SCYL3: variants seen among roughly 807,000 people sequenced by gnomAD.
The protein encoded by SCYL3 is SCY1 like pseudokinase 3.
Under a neutral mutation model 73.8 loss-of-function variants are expected in SCYL3, and 35 were observed. The observed-to-expected ratio is 0.47, with a 90% CI of 0.36 to 0.63. The LOEUF (loss-of-function observed/expected upper bound fraction) is 0.63. Among genes scored for constraint, SCYL3 ranks in the 20% least tolerant of loss-of-function variants. SCYL3 has a pLI of 0.00. For missense variants in SCYL3, 712 were observed against 798.9 expected, an observed-to-expected ratio of 0.89 and a Z score of 1.31; for synonymous variants, 277 against 295.2, an observed-to-expected ratio of 0.94 and a Z score of 0.63.
intron 11 of SCYL3, chr1:169,855,977 C>A (rs1659112003): frequency 6.2e-7 from 1 of 1,605,442 alleles, no homozygotes; most frequent in Admixed American, 1.7e-5. Context: ...AATAAAAACT[C>A]CAAAACATGA....
At chr1:169,857,090 G>C (rs1425961711) in intron 11 of SCYL3, among the ~76,000 whole-genome samples, 1 of 152,122 alleles carries the variant, frequency 6.6e-6, no homozygotes, top group Non-Finnish European at 1.5e-5. Flanking sequence ...TACCTCCCAG[G>C]TAACATCCAC....
Position 169,851,037 on chromosome 1 carries a change from T to C in SCYL3, c.*2676A>G, listed in dbSNP as rs1248915989. ...GGCAGCCTCCCAAGCCAGGGTAAGCTCAGGGCCCTTTTTTTTTTTTTTTTT... is the reference window on the plus strand; with the variant it reads ...GGCAGCCTCCCAAGCCAGGGTAAGCCCAGGGCCCTTTTTTTTTTTTTTTTT... On this transcript the variant is annotated 3_prime_UTR_variant, in exon 13 of 13. Transcript: ENST00000367771. 3 of 42,930 alleles carry C rather than the reference T, an allele frequency of 7.0e-5. No individual in the cohort carries two copies. Among genetic ancestry groups the C allele is most frequent in the Admixed American group, 3.1e-4 (1 of 3,212 alleles). The allele number at this position is 42,930 out of a possible 1,614,324, so 2.7% of individuals were successfully genotyped here. A position where few individuals can be genotyped will look rare whatever the true frequency, so the allele number is the denominator to read the frequency against.
At chr1:169,874,538 G>A (rs1490053009) in intron 4 of SCYL3, among the ~76,000 whole-genome samples, 3 of 151,122 alleles carry the variant, frequency 2.0e-5, no homozygotes, top group Non-Finnish European at 4.5e-5. Context: ...GCAACAGAAT[G>A]GCCTACAAAG....
At chr1:169,866,839 G>T in intron 8 of SCYL3, 57 bp downstream of exon 8, 1 of 943,710 alleles carries the variant, frequency 1.1e-6, no homozygotes, top group South Asian at 1.4e-5. Flanking sequence ...TACCTAAAGT[G>T]ATTATATGGA....
intron 10 of SCYL3, among the ~76,000 whole-genome samples, chr1:169,861,548 C>T (rs762731893): frequency 7.2e-5 from 11 of 152,178 alleles, no homozygotes; most frequent in Non-Finnish European, 1.6e-4. Flanking sequence ...ATATGTGGAA[C>T]AGAACCTTCA....
chr1:169,864,592 T>C, intron 8 of SCYL3, 84 bp from the exon 9 acceptor site: 1 of 1,290,782 alleles, frequency 7.7e-7, no homozygotes, highest in Non-Finnish European at 1.1e-6. Context: ...ACACATCCTC[T>C]CTCTCACTTC....
At chr1:169,859,507 A>G (rs780234209) in intron 10 of SCYL3, among the ~76,000 whole-genome samples, 8 of 152,224 alleles carry the variant, frequency 5.3e-5, no homozygotes, top group Non-Finnish European at 1.0e-4. Flanking sequence ...TTAAATGTTA[A>G]GTCTTCATAT....
intron 1 of SCYL3, among the ~76,000 whole-genome samples, chr1:169,889,642 A>G (rs1443632576): frequency 6.6e-6 from 1 of 152,222 alleles, no homozygotes; most frequent in East Asian, 1.9e-4. Context: ...CAACTATGAC[A>G]AAATACTTCA....
At chr1:169,860,234 T>C (rs1216815685) in intron 10 of SCYL3, among the ~76,000 whole-genome samples, 1 of 152,254 alleles carries the variant, frequency 6.6e-6, no homozygotes, top group East Asian at 1.9e-4. Flanking sequence ...TCCATCTAAG[T>C]TAGTCTAACA....
intron 5 of SCYL3, among the ~76,000 whole-genome samples, chr1:169,870,845 T>C (rs1297956461): frequency 6.6e-6 from 1 of 152,190 alleles, no homozygotes; most frequent in East Asian, 1.9e-4. Context: ...TATATATACA[T>C]AATACTGATT....
intron 2 of SCYL3, among the ~76,000 whole-genome samples, chr1:169,885,642 AAACT>A (rs1661631834): frequency 6.6e-6 from 1 of 152,184 alleles, no homozygotes; most frequent in Non-Finnish European, 1.5e-5. Flanking sequence ...GTTAGATCAT[AAACT>A]AACAATAAAA....
At chr1:169,884,244 GGTT>G (rs1308636299) in intron 2 of SCYL3, among the ~76,000 whole-genome samples, 1 of 152,082 alleles carries the variant, frequency 6.6e-6, no homozygotes, top group African/African-American at 2.4e-5. Context: ...TTAGCAGGTT[GGTT>G]AAATGAGTGC....
intron 5 of SCYL3, among the ~76,000 whole-genome samples, chr1:169,873,309 G>A (rs924237385): frequency 2.6e-5 from 4 of 152,114 alleles, no homozygotes; most frequent in South Asian, 2.1e-4. Context: ...TTCACCTTCC[G>A]CCATGATTGT....
intron 10 of SCYL3, chr1:169,859,784 G>C (rs71635635): frequency 6.6e-6 from 1 of 152,392 alleles, no homozygotes; most frequent in Non-Finnish European, 1.5e-5. Flanking sequence ...CCTGTAGCCC[G>C]AGCTACTCAG....
intron 11 of SCYL3, among the ~76,000 whole-genome samples, chr1:169,856,115 C>T (rs1048676135): frequency 5.9e-5 from 9 of 152,192 alleles, no homozygotes; most frequent in South Asian, 2.1e-4. Context: ...TGAAGACATA[C>T]ACCCATTATG....
chr1:169,886,538 T>TA (rs922370540), intron 2 of SCYL3, among the ~76,000 whole-genome samples: 7 of 152,128 alleles, frequency 4.6e-5, no homozygotes, highest in Non-Finnish European at 8.8e-5. Context: ...ATACCACTCT[T>TA]AGAGTCCAAT....
chr1:169,875,921 A>C, intron 4 of SCYL3, 57 bp downstream of exon 4: 1 of 1,123,888 alleles, frequency 8.9e-7, no homozygotes, highest in Non-Finnish European at 1.3e-6. Flanking sequence ...GGCAAGAACC[A>C]CATACCAAGA....
chr1:169,853,584 A>C lies in SCYL3; in HGVS notation c.*129T>G, dbSNP rs1168264230. On this transcript the variant is annotated 3_prime_UTR_variant, in exon 13 of 13. Coordinates refer to ENST00000367771, the MANE Select transcript of SCYL3 (RefSeq NM_020423.7). ...TCCTACTTCAGTTGGCACAGACTGG[A>C]TAATGAGCTCCTGGGATGGGAAAAG... is the stretch of plus-strand genomic sequence containing the variant. 2.1e-6 allele frequency: 2 copies of C among 934,702 alleles called. No homozygotes were observed. The highest frequency in any genetic ancestry group is 3.3e-6 in the Non-Finnish European group (2 of 605,088). 57.9% of individuals were successfully genotyped at this position (934,702 alleles called of 1,614,324 possible).
Position 169,888,751 on chromosome 1 carries a change from T to C in SCYL3, c.90A>G (p.Val30=). The C allele has an allele frequency of 6.2e-7, 1 of 1,614,116 alleles. No homozygotes were observed. Among genetic ancestry groups the C allele is most frequent in the Non-Finnish European group, 8.5e-7 (1 of 1,179,968 alleles). The change falls in exon 2 of 13, where the codon GTA becomes GTG. Residue 30 remains valine, a synonymous_variant. Transcript: ENST00000367771. The part of the protein sequence containing the change: ...LPSGLAVYPA[V]LQDGKFASVF... ...CTGAAGCAAATTTGCCATCTTGCAG[T>C]ACAGCGGGATAAACAGCAAGTCCAG... is the stretch of plus-strand genomic sequence containing the variant.
Sources: allele counts gnomAD v4.1 joint callset (sites outside exome capture counted in the v4.1 genomes callset), GRCh38; gene constraint gnomAD v4.1.1; transcripts MANE v1.5; gene names NCBI Gene and HGNC (gene_info 2026-07-23, HGNC 2026-07-21).